Variants in DYSF observed in about 807,000 individuals in gnomAD.
DYSF encodes the protein dystrophy-associated fer-1-like 1.
In DYSF, 212 loss-of-function variants were observed where a neutral mutation model predicts 274.9. The ratio of observed to expected loss-of-function variants is 0.77; its 90% CI spans 0.69 to 0.86. The LOEUF (loss-of-function observed/expected upper bound fraction) is 0.86, where lower values mean the gene tolerates loss of function less well. Among genes scored for constraint, DYSF ranks in the 40% least tolerant of loss-of-function variants. DYSF has a pLI of 0.00. For missense variants in DYSF, 2,666 were observed against 2,783.2 expected (o/e 0.96, Z 0.95); for synonymous variants, 1,091 against 1,078.7 (o/e 1.01, Z -0.22).
chr2:71,656,400 G>C (rs1465703873), intron 43 of DYSF, 110 bp downstream of exon 43: 1 of 1,499,638 alleles, frequency 6.7e-7, no homozygotes, highest in East Asian at 2.3e-5. Context: ...TGCTGATGTT[G>C]GTGACCACAT....
At chr2:71,459,563 C>A (rs140986446) in intron 1 of DYSF, among the ~76,000 whole-genome samples, 19 of 152,282 alleles carry the variant, frequency 1.2e-4, no homozygotes, top group African/African-American at 3.6e-4. Context: ...CCAGGTGCCA[C>A]ATTCTCTGAT....
chr2:71,513,658 G>T, intron 6 of DYSF, 58 bp from the exon 7 acceptor site: 1 of 1,575,766 alleles, frequency 6.3e-7, no homozygotes. Flanking sequence ...GGTCCCAGGG[G>T]CAGGGGCAGG....
chr2:71,590,189 T>G, intron 31 of DYSF, 22 bp from the exon 32 acceptor site: 1 of 1,613,850 alleles, frequency 6.2e-7, no homozygotes, highest in Admixed American at 1.7e-5. Flanking sequence ...CTCTGGCACC[T>G]CTGTTTTTTC....
chr2:71,678,517 C>T (rs907674157), intron 52 of DYSF, among the ~76,000 whole-genome samples: 13 of 151,958 alleles, frequency 8.6e-5, no homozygotes, highest in African/African-American at 3.1e-4. Flanking sequence ...CTAGAGGTTA[C>T]TGGGGCGAAG....
At chr2:71,523,190 G>A (rs1262277643) in intron 12 of DYSF, among the ~76,000 whole-genome samples, 2 of 152,172 alleles carry the variant, frequency 1.3e-5, no homozygotes, top group Non-Finnish European at 2.9e-5. Flanking sequence ...GGCCCAAGAT[G>A]GTTGCTCCAG....
In DYSF at chr2:71,516,376, G is replaced by A. The variant is rs988995313; in HGVS notation, c.951+134G>A. ...AATGCGTGAATGCGTGTGTGTGCCT[G>A]TCGGTGTGTATGTGAGTATGTGCGT... is the stretch of plus-strand genomic sequence containing the variant. On this transcript the variant is annotated intron_variant, in intron 9 of 55. Transcript: ENST00000410020. The A allele has an allele frequency of 4.6e-6, 4 of 877,522 alleles. No individual in the cohort carries two copies. In the African/African-American group the frequency reaches 5.0e-5, roughly 11 times the overall value. The allele number at this position is 877,522 out of a possible 1,614,324, so 54.4% of individuals were successfully genotyped here. A position where few individuals can be genotyped will look rare whatever the true frequency, so the allele number is the denominator to read the frequency against.
intron 3 of DYSF, among the ~76,000 whole-genome samples, chr2:71,488,657 TG>T (rs2083554297): frequency 6.6e-6 from 1 of 152,196 alleles, no homozygotes; most frequent in Non-Finnish European, 1.5e-5. Context: ...AGCCTGACCG[TG>T]TCCCCAGCCT....
intron 3 of DYSF, among the ~76,000 whole-genome samples, chr2:71,486,983 T>C (rs1440498900): frequency 6.6e-6 from 1 of 152,192 alleles, no homozygotes; most frequent in African/African-American, 2.4e-5. Flanking sequence ...TAGAATCACC[T>C]GGGCAGCTTT....
chr2:71,502,680 A>G (rs995547819), intron 3 of DYSF, among the ~76,000 whole-genome samples: 4 of 152,126 alleles, frequency 2.6e-5, no homozygotes, highest in Non-Finnish European at 5.9e-5. Flanking sequence ...GCCTCTCAGG[A>G]GTGGAGCCTG....
intron 41 of DYSF, among the ~76,000 whole-genome samples, chr2:71,623,086 T>C (rs1333677529): frequency 1.3e-5 from 2 of 152,236 alleles, no homozygotes; most frequent in Non-Finnish European, 2.9e-5. Flanking sequence ...CATGGTATTA[T>C]AGTTTACTAC....
chr2:71,467,058 G>A lies in DYSF; in HGVS notation c.91+125G>A, dbSNP rs564881332. On this transcript the variant is annotated intron_variant, in intron 1 of 55. Transcript: ENST00000410020. ...CAGGCCACAGTTTCTCCCTTTGTCA[G>A]CAGGGACGGAAATCCCAGCCCCGAC... 170 of 1,363,004 alleles carry A rather than the reference G, an allele frequency of 1.2e-4. No homozygotes were observed. In the African/African-American group the frequency reaches 2.2e-3, roughly 18 times the overall value. 84.4% of individuals were successfully genotyped at this position (1,363,004 alleles called of 1,614,324 possible). A position where few individuals can be genotyped will look rare whatever the true frequency, so the allele number is the denominator to read the frequency against.
At chr2:71,570,199 C>T (rs757135215) in intron 27 of DYSF, 30 bp from the exon 28 acceptor site, 3 of 1,591,118 alleles carry the variant, frequency 1.9e-6, no homozygotes, top group Admixed American at 3.3e-5. Flanking sequence ...TGTCTCCTCT[C>T]ATTGCTTGCC....
chr2:71,591,067 A>G (rs1207723262), intron 32 of DYSF, among the ~76,000 whole-genome samples: 1 of 152,200 alleles, frequency 6.6e-6, no homozygotes, highest in Non-Finnish European at 1.5e-5. Flanking sequence ...TTGTGATGTA[A>G]CCCTGTGGTC....
In DYSF at chr2:71,535,070, A is replaced by G. The variant is rs1427088270; in HGVS notation, c.1430A>G (p.Asn477Ser). Reference protein sequence around the residue: ...EKTANPQWNQNITLPAMFPSM... With the variant: ...EKTANPQWNQSITLPAMFPSM... The stretch of plus-strand genomic sequence containing the variant: ...ACGGCCAACCCTCAGTGGAACCAGA[A>G]CATCACACTGCCTGCCATGGTGAGC... Residue 477 changes from asparagine to serine, a missense_variant, in exon 15 of 56, where the codon AAC becomes AGC. Coordinates refer to ENST00000410020, the MANE Select transcript of DYSF (RefSeq NM_001130987.2). The G allele has an allele frequency of 3.1e-6, 5 of 1,614,120 alleles. No individual in the cohort carries two copies. The highest frequency in any genetic ancestry group is 1.7e-5 in the Admixed American group (1 of 60,014).
At chr2:71,656,133 T>C (rs1251476302) in intron 42 of DYSF, 29 bp from the exon 43 acceptor site, 1 of 1,613,972 alleles carries the variant, frequency 6.2e-7, no homozygotes, top group Non-Finnish European at 8.5e-7. Flanking sequence ...CTGTCTCTTG[T>C]CCCCTCCTCT....
Position 71,682,622 on chromosome 2 carries a change from T to C in DYSF, c.6266T>C (p.Phe2089Ser). The change falls in exon 55 of 56, where the codon TTC becomes TCC. Residue 2089 changes from phenylalanine (F) to serine (S), a missense_variant. Phe to Ser is a radical substitution (Grantham distance 155, BLOSUM62 -2). This residue lies in a region of DYSF where 1,460 missense variants were observed against 1,502.1 expected (regional missense o/e 0.97). Coordinates refer to ENST00000410020, the MANE Select transcript of DYSF (RefSeq NM_001130987.2). ...CGTTTCCGGTGGGCCATCATCCTCT[T>C]CATCATCCTCTTCATCCTGCTGCTG... Reference protein sequence around the residue: ...WRRFRWAIILFIILFILLLFL... With the variant: ...WRRFRWAIILSIILFILLLFL... The C allele has an allele frequency of 6.2e-7, 1 of 1,613,832 alleles. No homozygotes were observed. The highest frequency in any genetic ancestry group is 1.6e-4 in the Middle Eastern group (1 of 6,062).
chr2:71,460,273 G>A (rs1161373244), intron 1 of DYSF, among the ~76,000 whole-genome samples: 1 of 152,208 alleles, frequency 6.6e-6, no homozygotes, highest in East Asian at 1.9e-4. Context: ...ATTCCAGCCA[G>A]AGGGGAAAGG....
chr2:71,637,623 G>T (rs555749510), intron 41 of DYSF, among the ~76,000 whole-genome samples: 2 of 152,284 alleles, frequency 1.3e-5, no homozygotes, highest in East Asian at 3.9e-4. Flanking sequence ...CCAGCAGCTG[G>T]TTTCATGGTT....
intron 36 of DYSF, among the ~76,000 whole-genome samples, chr2:71,607,369 G>A (rs1250141742): frequency 6.6e-6 from 1 of 152,166 alleles, no homozygotes; most frequent in Non-Finnish European, 1.5e-5. Flanking sequence ...GTCATCAAGG[G>A]GAAATTTATC....
Sources: gnomAD v4.1 joint callset for allele counts (sites outside exome capture counted in the v4.1 genomes callset) on GRCh38, gnomAD v4.1.1 for gene constraint, gnomAD v4.1.1 regional missense constraint, MANE v1.5 for transcripts, NCBI Gene and HGNC (gene_info 2026-07-23, HGNC 2026-07-21) for gene names.